The following UNC5D variants were observed in gnomAD, a reference collection of about 807,000 sequenced individuals.
UNC5D encodes netrin receptor UNC5D.
A neutral mutation model predicts 105.4 loss-of-function variants in UNC5D; 39 were observed. The observed-to-expected ratio is 0.37, with a 90% CI of 0.29 to 0.48. The LOEUF is 0.48. UNC5D is among the 20% of genes least tolerant of loss of function. The pLI is 0.98. For synonymous variants in UNC5D, 452 were observed against 450.4 expected, an observed-to-expected ratio of 1.00 and a Z score of -0.04; for missense variants, 991 against 1,202.4, an observed-to-expected ratio of 0.82 and a Z score of 2.60.
chr8:35,554,828 T>C (rs1416240547), intron 2 of UNC5D, among the ~76,000 whole-genome samples: 1 of 152,222 alleles, frequency 6.6e-6, no homozygotes, highest in Non-Finnish European at 1.5e-5. Flanking sequence ...GTCTCAACTC[T>C]AGTAAACTAA....
intron 2 of UNC5D, among the ~76,000 whole-genome samples, chr8:35,564,151 AT>A (rs143530450): frequency 1.3e-5 from 2 of 149,896 alleles, no homozygotes; most frequent in African/African-American, 4.9e-5. Flanking sequence ...CTCCTCTTCA[AT>A]TTTTTTTTTA....
At chr8:35,455,679 C>CA (rs925356142) in intron 1 of UNC5D, among the ~76,000 whole-genome samples, 17 of 144,746 alleles carry the variant, frequency 1.2e-4, no homozygotes, top group East Asian at 4.0e-4. Flanking sequence ...AAAAAAAAAA[C>CA]AAAAAAAAAC....
At chr8:35,392,484 G>T (rs960278999) in intron 1 of UNC5D, among the ~76,000 whole-genome samples, 1 of 152,126 alleles carries the variant, frequency 6.6e-6, no homozygotes, top group Non-Finnish European at 1.5e-5. Context: ...TTTCAAAAGC[G>T]CTGGGATTAC....
intron 7 of UNC5D, among the ~76,000 whole-genome samples, chr8:35,704,243 G>A (rs1827389881): frequency 6.6e-6 from 1 of 152,088 alleles, no homozygotes; most frequent in African/African-American, 2.4e-5. Flanking sequence ...TTGTGAAAGT[G>A]ACTTCCACAA....
At chr8:35,332,640 T>C (rs879728716) in intron 1 of UNC5D, among the ~76,000 whole-genome samples, 4 of 152,178 alleles carry the variant, frequency 2.6e-5, no homozygotes, top group Non-Finnish European at 4.4e-5. Context: ...CAACTATCAA[T>C]TTTATAGGGG....
chr8:35,432,177 A>C (rs955375996), intron 1 of UNC5D, among the ~76,000 whole-genome samples: 1 of 152,168 alleles, frequency 6.6e-6, no homozygotes, highest in Non-Finnish European at 1.5e-5. Flanking sequence ...AGGGAAAGTA[A>C]TGCCACTTAC....
chr8:35,684,161 C>T (rs1367787093), intron 5 of UNC5D, among the ~76,000 whole-genome samples: 1 of 152,132 alleles, frequency 6.6e-6, no homozygotes, highest in Non-Finnish European at 1.5e-5. Flanking sequence ...TGCTGAATAT[C>T]TCAGGTATTG....
At chr8:35,570,942 G>A (rs183615625) in intron 3 of UNC5D, among the ~76,000 whole-genome samples, 84 of 151,958 alleles carry the variant, frequency 5.5e-4, no homozygotes, top group East Asian at 1.9e-3. Context: ...TGGGCAACAA[G>A]AGCCAAACTC....
intron 4 of UNC5D, among the ~76,000 whole-genome samples, chr8:35,676,620 C>T (rs17270119): frequency 0.063 from 9,603 of 152,236 alleles, 381 homozygotes; most frequent in Admixed American, 0.14. Flanking sequence ...TTTCTGAACT[C>T]AGCATACATG....
intron 8 of UNC5D, among the ~76,000 whole-genome samples, chr8:35,709,177 A>G (rs1032642137): frequency 6.6e-6 from 1 of 152,122 alleles, no homozygotes; most frequent in Non-Finnish European, 1.5e-5. Flanking sequence ...TTATGCTAGG[A>G]GGTGTTCTGG....
intron 1 of UNC5D, among the ~76,000 whole-genome samples, chr8:35,245,677 C>T (rs533000347): frequency 1.3e-5 from 2 of 152,248 alleles, no homozygotes; most frequent in African/African-American, 4.8e-5. Flanking sequence ...TTGCAATGCA[C>T]ATCAGTCTCC....
chr8:35,372,083 T>G (rs1049863576), intron 1 of UNC5D, among the ~76,000 whole-genome samples: 2 of 152,164 alleles, frequency 1.3e-5, no homozygotes, highest in Admixed American at 6.5e-5. Context: ...GAAGATGTAT[T>G]ATTTGATTTG....
chr8:35,432,675 C>G (rs765343596), intron 1 of UNC5D, among the ~76,000 whole-genome samples: 1 of 152,106 alleles, frequency 6.6e-6, no homozygotes, highest in African/African-American at 2.4e-5. Context: ...GCTGGAAAAA[C>G]GGGTCCCTCA....
intron 4 of UNC5D, among the ~76,000 whole-genome samples, chr8:35,672,852 T>C (rs908311756): frequency 1.3e-5 from 2 of 152,260 alleles, no homozygotes; most frequent in South Asian, 4.1e-4. Flanking sequence ...AAAAAAATAG[T>C]ATGAGACTGC....
chr8:35,617,941 C>T (rs1170629478), intron 4 of UNC5D, among the ~76,000 whole-genome samples: 1 of 152,328 alleles, frequency 6.6e-6, no homozygotes, highest in Admixed American at 6.5e-5. Flanking sequence ...TCTATAGATG[C>T]ATTTATTAAT....
chr8:35,667,361 A>G (rs73674072), intron 4 of UNC5D, among the ~76,000 whole-genome samples: 3,244 of 152,266 alleles, frequency 0.021, 137 homozygotes, highest in African/African-American at 0.074. Context: ...TGGCGTGGCC[A>G]TTTTCCAAAA....
At chr8:35,257,942 A>G (rs1246052141) in intron 1 of UNC5D, among the ~76,000 whole-genome samples, 1 of 152,224 alleles carries the variant, frequency 6.6e-6, no homozygotes, top group Non-Finnish European at 1.5e-5. Flanking sequence ...TCATTCCAAA[A>G]CAATGTATGG....
chr8:35,408,083 CTCTG>C (rs1221477432), intron 1 of UNC5D, among the ~76,000 whole-genome samples: 1 of 152,050 alleles, frequency 6.6e-6, no homozygotes, highest in African/African-American at 2.4e-5. Context: ...AAAATTAGCT[CTCTG>C]TCAGAGGAAT....
chr8:35,573,569 C>G (rs911444509), intron 3 of UNC5D, among the ~76,000 whole-genome samples: 2 of 152,180 alleles, frequency 1.3e-5, no homozygotes, highest in Admixed American at 6.5e-5. Flanking sequence ...GCTGTTGGCA[C>G]TAAGGTATGT....
Sources: allele counts gnomAD v4.1 joint callset (sites outside exome capture counted in the v4.1 genomes callset), GRCh38; gene constraint gnomAD v4.1.1; transcripts MANE v1.5; gene names NCBI Gene and HGNC (gene_info 2026-07-23, HGNC 2026-07-21).